Variants in ADGRL2 observed in about 807,000 individuals in gnomAD.
ADGRL2 encodes adhesion G protein-coupled receptor L2.
In ADGRL2, 44 loss-of-function variants were observed where a neutral mutation model predicts 157.4. The observed-to-expected ratio is 0.28, with a 90% confidence interval of 0.22 to 0.36. The LOEUF is 0.36. ADGRL2 is among the 10% of genes least tolerant of loss of function. ADGRL2 has a pLI of 1.00. For missense variants in ADGRL2, 1,510 were observed against 1,768.9 expected (o/e 0.85, Z 2.63); for synonymous variants, 585 against 624.7 (o/e 0.94, Z 0.95).
chr1:81,381,031 C>T (rs902561953), intron 1 of ADGRL2, among the ~76,000 whole-genome samples: 3 of 151,800 alleles, frequency 2.0e-5, no homozygotes, highest in Non-Finnish European at 4.4e-5. Flanking sequence ...TTTAAATTTT[C>T]TTTATATATG....
chr1:81,861,351 G>A (rs1488150304), intron 2 of ADGRL2, among the ~76,000 whole-genome samples: 1 of 152,112 alleles, frequency 6.6e-6, no homozygotes. Context: ...TGATAAAGTA[G>A]CAAAGTATTT....
At chr1:81,498,647 T>C (rs2078779073) in intron 2 of ADGRL2, among the ~76,000 whole-genome samples, 1 of 152,154 alleles carries the variant, frequency 6.6e-6, no homozygotes, top group East Asian at 1.9e-4. Context: ...AGATTACACA[T>C]GTTTGCTTGA....
chr1:81,331,308 G>C (rs1661249478), intron 1 of ADGRL2, among the ~76,000 whole-genome samples: 1 of 152,046 alleles, frequency 6.6e-6, no homozygotes, highest in Non-Finnish European at 1.5e-5. Context: ...GGATCGTTTT[G>C]GAAATACTTC....
At chr1:81,329,869 G>C (rs1661154127) in intron 1 of ADGRL2, among the ~76,000 whole-genome samples, 1 of 152,056 alleles carries the variant, frequency 6.6e-6, no homozygotes, top group South Asian at 2.1e-4. Context: ...ATCGTTACCA[G>C]TACATTAATA....
At chr1:81,511,962 C>A (rs1415504559) in intron 2 of ADGRL2, among the ~76,000 whole-genome samples, 1 of 151,948 alleles carries the variant, frequency 6.6e-6, no homozygotes, top group Non-Finnish European at 1.5e-5. Flanking sequence ...TAATTTATTC[C>A]ATTATTCCAA....
intron 3 of ADGRL2, among the ~76,000 whole-genome samples, chr1:81,606,093 G>T (rs2081426746): frequency 6.6e-6 from 1 of 152,074 alleles, no homozygotes; most frequent in South Asian, 2.1e-4. Flanking sequence ...TTTATAGCTT[G>T]TCGTGAGCTC....
At chr1:81,697,226 T>C (rs545009900), upstream of ADGRL2, among the ~76,000 whole-genome samples, 1 of 147,080 alleles carries the variant, frequency 6.8e-6, no homozygotes, top group Admixed American at 6.8e-5. Context: ...GAAAGTTGCA[T>C]AAGCTTCCTG....
At chr1:81,384,162 A>G (rs1013269226) in intron 1 of ADGRL2, among the ~76,000 whole-genome samples, 2 of 152,160 alleles carry the variant, frequency 1.3e-5, no homozygotes, top group African/African-American at 4.8e-5. Flanking sequence ...ATTGGAAACC[A>G]TCTAAATACC....
At chr1:81,789,893 G>T (rs2087249807) in intron 2 of ADGRL2, among the ~76,000 whole-genome samples, 1 of 152,058 alleles carries the variant, frequency 6.6e-6, no homozygotes, top group South Asian at 2.1e-4. Context: ...CTTTTTGGTT[G>T]TTGGAGGTAG....
intron 1 of ADGRL2, among the ~76,000 whole-genome samples, chr1:81,705,468 G>A (rs1336433073): frequency 1.3e-5 from 2 of 151,968 alleles, no homozygotes; most frequent in African/African-American, 2.4e-5. Context: ...GACTGGTCTC[G>A]AACCCCTGAC....
chr1:81,622,944 G>T (rs1409576402), intron 3 of ADGRL2, among the ~76,000 whole-genome samples: 1 of 152,142 alleles, frequency 6.6e-6, no homozygotes, highest in Non-Finnish European at 1.5e-5. Flanking sequence ...CTGTAAAAAT[G>T]TCCAACATAT....
intron 1 of ADGRL2, among the ~76,000 whole-genome samples, chr1:81,408,319 T>G (rs2076890145): frequency 6.6e-6 from 1 of 151,864 alleles, no homozygotes; most frequent in Non-Finnish European, 1.5e-5. Context: ...GAATGCTCAT[T>G]TTTTTTAAAT....
chr1:81,351,501 A>G (rs920941952), intron 1 of ADGRL2, among the ~76,000 whole-genome samples: 2 of 152,150 alleles, frequency 1.3e-5, no homozygotes. Context: ...AGTCAACAAG[A>G]AATAGAAATC....
At chr1:81,393,092 T>TTC (rs1309396090) in intron 1 of ADGRL2, among the ~76,000 whole-genome samples, 1 of 152,072 alleles carries the variant, frequency 6.6e-6, no homozygotes, top group East Asian at 1.9e-4. Flanking sequence ...GTTTGTTCTT[T>TTC]TCTCTCCAAT....
At chr1:81,612,104 A>T (rs983195035) in intron 3 of ADGRL2, among the ~76,000 whole-genome samples, 1 of 152,164 alleles carries the variant, frequency 6.6e-6, no homozygotes, top group Non-Finnish European at 1.5e-5. Flanking sequence ...TCTTTATAGC[A>T]GTATGAAAAT....
chr1:81,543,680 G>C lies in ADGRL2; in HGVS notation c.-247-37196G>C, dbSNP rs377584753. The stretch of plus-strand genomic sequence containing the variant: ...CTTCCTGCTTCTAGCCCTGTCCCTT[G>C]ACAGTCTATTTTCAAGAGGCAGTCA... On this transcript the variant is annotated intron_variant, in intron 2 of 24. Transcript: ENST00000370721. 2.0e-5 allele frequency among the ~76,000 whole-genome samples: 3 copies of C among 152,150 alleles called. No homozygotes were observed. The East Asian group carries it at 5.8e-4, about 29-fold the overall frequency.
chr1:81,369,882 A>G (rs926955691), intron 1 of ADGRL2, among the ~76,000 whole-genome samples: 2 of 152,164 alleles, frequency 1.3e-5, no homozygotes, highest in African/African-American at 4.8e-5. Flanking sequence ...TATTTCACTA[A>G]GCTTTTTGGA....
intron 2 of ADGRL2, among the ~76,000 whole-genome samples, chr1:81,527,892 C>A (rs959294306): frequency 6.6e-6 from 1 of 151,756 alleles, no homozygotes; most frequent in Non-Finnish European, 1.5e-5. Context: ...ACGGTGAAAC[C>A]CCGTCTCTAC....
intron 1 of ADGRL2, among the ~76,000 whole-genome samples, chr1:81,442,457 G>T (rs901222791): frequency 2.6e-5 from 4 of 152,106 alleles, no homozygotes; most frequent in African/African-American, 9.7e-5. Flanking sequence ...AAAGAAATTG[G>T]CAAGAAAACA....
Sources: allele counts gnomAD v4.1 joint callset (sites outside exome capture counted in the v4.1 genomes callset), GRCh38; gene constraint gnomAD v4.1.1; transcripts MANE v1.5; gene names NCBI Gene and HGNC (gene_info 2026-07-23, HGNC 2026-07-21).